SLC9A4: variants seen among roughly 807,000 people sequenced by gnomAD.
SLC9A4 encodes solute carrier family 9 member A4, also known as sodium/hydrogen exchanger 4.
Under a neutral mutation model 67.4 loss-of-function variants are expected in SLC9A4, and 63 were observed. That is an observed-to-expected ratio of 0.93 (90% CI 0.76 to 1.15). The LOEUF (loss-of-function observed/expected upper bound fraction) is 1.15, where lower values mean the gene tolerates loss of function less well. Among genes scored for constraint, SLC9A4 ranks in the 50% most tolerant of loss-of-function variants. The pLI is 0.00. For synonymous variants in SLC9A4, 393 were observed against 367.2 expected, an observed-to-expected ratio of 1.07 and a Z score of -0.80; for missense variants, 1,089 against 987.7, an observed-to-expected ratio of 1.10 and a Z score of -1.38.
chr2:102,506,201 T>C (rs1322544025), intron 4 of SLC9A4, among the ~76,000 whole-genome samples: 1 of 152,268 alleles, frequency 6.6e-6, no homozygotes, highest in East Asian at 1.9e-4. Flanking sequence ...TGTACATTTA[T>C]GTTTCAGGAG....
chr2:102,513,181 G>C (rs1257652691), intron 7 of SLC9A4, among the ~76,000 whole-genome samples: 1 of 152,158 alleles, frequency 6.6e-6, no homozygotes, highest in Non-Finnish European at 1.5e-5. Context: ...AAAACTAGAA[G>C]ACAGAAGATC....
chr2:102,514,279 A>T, intron 8 of SLC9A4, 28 bp downstream of exon 8: 1 of 1,548,394 alleles, frequency 6.5e-7, no homozygotes, highest in Non-Finnish European at 8.8e-7. Context: ...TTTGTTCTAA[A>T]CTTTCACTGT....
intron 1 of SLC9A4, 36 bp from the exon 2 acceptor site, chr2:102,478,802 GT>G (rs778867664): frequency 1.9e-6 from 3 of 1,592,622 alleles, no homozygotes; most frequent in Non-Finnish European, 2.6e-6. Flanking sequence ...AGACCGTTTC[GT>G]TTGCAAGCAC....
rs1419683408 is a variant in SLC9A4 at position 102,532,574 on chromosome 2, A to G, written c.2283A>G (p.Gly761=). ...FHAVDEEGES[G]GESEGKASLV... ...CAGTGGATGAGGAGGGTGAGTCTGG[A>G]GGGGAGAGTGAGGGCAAGGCCTCTT... The change falls in exon 12 of 12, where the codon GGA becomes GGG. Residue 761 remains glycine (G), a synonymous_variant. Coordinates refer to ENST00000295269, the MANE Select transcript of SLC9A4 (RefSeq NM_001011552.4). 1.2e-6 allele frequency: 2 copies of G among 1,613,992 alleles called. No individual in the cohort carries two copies. The highest frequency in any genetic ancestry group is 1.1e-5 in the South Asian group (1 of 91,042).
At chr2:102,525,189 A>G in intron 10 of SLC9A4, 34 bp downstream of exon 10, 2 of 1,613,028 alleles carry the variant, frequency 1.2e-6, no homozygotes, top group Non-Finnish European at 1.7e-6. Context: ...ACATTCCTTC[A>G]GTGTGCAAGT....
At chr2:102,494,966 T>C (rs1451029643) in intron 2 of SLC9A4, among the ~76,000 whole-genome samples, 1 of 152,096 alleles carries the variant, frequency 6.6e-6, no homozygotes, top group Non-Finnish European at 1.5e-5. Context: ...AGAATCTGAA[T>C]ATTATCAACC....
At chr2:102,481,463 G>A (rs558416203) in intron 2 of SLC9A4, among the ~76,000 whole-genome samples, 2 of 152,092 alleles carry the variant, frequency 1.3e-5, no homozygotes, top group Non-Finnish European at 2.9e-5. Flanking sequence ...TTTCTGGGTT[G>A]ACAAACTTAA....
intron 4 of SLC9A4, among the ~76,000 whole-genome samples, chr2:102,506,563 C>T (rs552588828): frequency 3.8e-4 from 58 of 152,042 alleles, no homozygotes; most frequent in Admixed American, 6.6e-4. Context: ...TCATTATCAC[C>T]GGCCTTATTA....
intron 1 of SLC9A4, among the ~76,000 whole-genome samples, chr2:102,478,252 G>C (rs550446449): frequency 1.3e-5 from 2 of 152,172 alleles, no homozygotes; most frequent in Non-Finnish European, 2.9e-5. Context: ...ATAGATTTTA[G>C]GTGTAGTGAG....
intron 10 of SLC9A4, 97 bp downstream of exon 10, chr2:102,525,252 C>A (rs1054842550): frequency 9.7e-6 from 15 of 1,546,392 alleles, no homozygotes; most frequent in Non-Finnish European, 1.3e-5. Flanking sequence ...GCATGACCAT[C>A]GATGCTTAAA....
In SLC9A4 at chr2:102,526,287, C is replaced by T; in HGVS notation, c.1979C>T (p.Ser660Phe). Reference sequence around the variant, plus strand: ...GGCACCAAGAATATCCGCTACCTCTCCTACCCCTACGGGAATCCTCAGTCT... The same window carrying T: ...GGCACCAAGAATATCCGCTACCTCTTCTACCCCTACGGGAATCCTCAGTCT... ...PAGTKNIRYL[S>F]YPYGNPQSAG... Residue 660 changes from serine to phenylalanine, a missense_variant, in exon 11 of 12, where the codon TCC (serine) becomes TTC (phenylalanine). Ser to Phe is a radical substitution (Grantham distance 155). Coordinates refer to ENST00000295269, the MANE Select transcript of SLC9A4 (RefSeq NM_001011552.4). 6.2e-7 allele frequency: 1 copy of T among 1,613,888 alleles called. No individual in the cohort carries two copies.
chr2:102,512,011 A>G (rs573990136), intron 6 of SLC9A4, among the ~76,000 whole-genome samples, 192 bp from the exon 7 acceptor site: 22 of 152,172 alleles, frequency 1.4e-4, no homozygotes, highest in Non-Finnish European at 3.1e-4. Flanking sequence ...GAGTCTTTAA[A>G]CCAAAGTTGA....
At chr2:102,532,306 C>A in intron 11 of SLC9A4, 24 bp from the exon 12 acceptor site, 1 of 1,597,778 alleles carries the variant, frequency 6.3e-7, no homozygotes, top group South Asian at 1.1e-5. Flanking sequence ...GTTCTTTCCC[C>A]TTCTTGCCAT....
At chr2:102,497,399 C>A (rs1196019466) in intron 2 of SLC9A4, among the ~76,000 whole-genome samples, 1 of 152,030 alleles carries the variant, frequency 6.6e-6, no homozygotes, top group African/African-American at 2.4e-5. Flanking sequence ...TTCAAACAGC[C>A]AAAAACTGGG....
chr2:102,530,859 G>A (rs556558009), intron 11 of SLC9A4, among the ~76,000 whole-genome samples: 9 of 152,208 alleles, frequency 5.9e-5, no homozygotes, highest in African/African-American at 1.9e-4. Context: ...TAGCTTCTTA[G>A]TATAATTTGG....
rs748908258 is a variant in SLC9A4, at chr2:102,479,321, G to A, written c.720+19G>A. ...TACTGTGGTGAGATGTCATGTGCCCGCCCGGCTTCCGGGGGAGATGAGGGT... is the reference window on the plus strand; with the variant it reads ...TACTGTGGTGAGATGTCATGTGCCCACCCGGCTTCCGGGGGAGATGAGGGT... On this transcript the variant is annotated intron_variant, in intron 2 of 11. Transcript: ENST00000295269. 3 of 1,587,324 alleles carry A rather than the reference G, an allele frequency of 1.9e-6. No individual in the cohort carries two copies. The South Asian group carries it at 3.4e-5, about 18-fold the overall frequency.
At chr2:102,525,951 G>A (rs533925263) in intron 10 of SLC9A4, among the ~76,000 whole-genome samples, 49 of 152,202 alleles carry the variant, frequency 3.2e-4, no homozygotes, top group African/African-American at 9.9e-4. Context: ...TGAGTGGCGC[G>A]ATCTCAGCTC....
At chr2:102,532,203 G>T (rs1038351477) in intron 11 of SLC9A4, 127 bp from the exon 12 acceptor site, 2 of 1,059,790 alleles carry the variant, frequency 1.9e-6, no homozygotes, top group Non-Finnish European at 2.7e-6. Context: ...TGATAAGAAA[G>T]TTGAGTGTAG....
At chr2:102,500,990 G>A (rs999578156) in intron 2 of SLC9A4, among the ~76,000 whole-genome samples, 1 of 146,770 alleles carries the variant, frequency 6.8e-6, no homozygotes, top group Non-Finnish European at 1.5e-5. Flanking sequence ...ATAGAGTTTC[G>A]CTCTTGTCAC....
Sources: allele counts gnomAD v4.1 joint callset (sites outside exome capture counted in the v4.1 genomes callset), GRCh38; gene constraint gnomAD v4.1.1; transcripts MANE v1.5; gene names NCBI Gene and HGNC (gene_info 2026-07-23, HGNC 2026-07-21).